Variants in VPS13B observed in about 807,000 individuals in gnomAD.
VPS13B encodes intermembrane lipid transfer protein VPS13B.
Under a neutral mutation model 426.4 loss-of-function variants are expected in VPS13B, and 285 were observed. The observed-to-expected ratio is 0.67, with a 90% CI of 0.61 to 0.74. The LOEUF (loss-of-function observed/expected upper bound fraction) is 0.74, where lower values mean the gene tolerates loss of function less well. Among genes scored for constraint, VPS13B ranks in the 30% least tolerant of loss-of-function variants. VPS13B has a pLI of 0.00. For missense variants in VPS13B, 4,537 were observed against 4,782.6 expected (o/e 0.95, Z 1.51); for synonymous variants, 1,676 against 1,676.4 (o/e 1.00, Z 0.01).
intron 17 of VPS13B, among the ~76,000 whole-genome samples, chr8:99,272,955 G>A (rs936202225): frequency 6.6e-6 from 1 of 151,996 alleles, no homozygotes; most frequent in South Asian, 2.1e-4. Context: ...ATGTTCATTG[G>A]AGCACTTTTG....
intron 19 of VPS13B, among the ~76,000 whole-genome samples, chr8:99,318,901 T>C (rs576742913): frequency 6.6e-6 from 1 of 152,208 alleles, no homozygotes; most frequent in African/African-American, 2.4e-5. Context: ...GAAAGTCTAG[T>C]TATTGTTAAA....
At chr8:99,061,990 A>AGGTGCC (rs1844214543) in intron 3 of VPS13B, among the ~76,000 whole-genome samples, 1 of 152,366 alleles carries the variant, frequency 6.6e-6, no homozygotes, top group South Asian at 2.1e-4. Flanking sequence ...GTGTACACAA[A>AGGTGCC]GGTGCCTATG....
chr8:99,771,969 A>G (rs1346100930), intron 40 of VPS13B, among the ~76,000 whole-genome samples: 1 of 152,188 alleles, frequency 6.6e-6, no homozygotes, highest in African/African-American at 2.4e-5. Flanking sequence ...TGGAAGGAAT[A>G]CTTACATTTT....
intron 35 of VPS13B, among the ~76,000 whole-genome samples, chr8:99,681,707 A>G (rs1831161619): frequency 6.6e-6 from 1 of 152,194 alleles, no homozygotes; most frequent in Admixed American, 6.5e-5. Context: ...ACTGTTTGGG[A>G]ATACATATAG....
At chr8:99,527,380 C>T (rs746617560) in intron 30 of VPS13B, among the ~76,000 whole-genome samples, 2 of 152,096 alleles carry the variant, frequency 1.3e-5, no homozygotes, top group Non-Finnish European at 2.9e-5. Context: ...CTGTGCAATG[C>T]GTAGCCCAGG....
intron 19 of VPS13B, among the ~76,000 whole-genome samples, chr8:99,320,338 C>G (rs1809909934): frequency 6.6e-6 from 1 of 152,154 alleles, no homozygotes; most frequent in Non-Finnish European, 1.5e-5. Context: ...AAGGACCTCC[C>G]TTCTCCTGGG....
chr8:99,701,807 TAC>T (rs1418903516), intron 36 of VPS13B, among the ~76,000 whole-genome samples: 1 of 152,168 alleles, frequency 6.6e-6, no homozygotes, highest in East Asian at 1.9e-4. Flanking sequence ...CTATTTTTAG[TAC>T]AGTTTTTTCT....
At chr8:99,688,111 CTCTT>C (rs1831495092) in intron 35 of VPS13B, among the ~76,000 whole-genome samples, 1 of 147,604 alleles carries the variant, frequency 6.8e-6, no homozygotes, top group Non-Finnish European at 1.5e-5. Context: ...AAGGCAAGAA[CTCTT>C]TCTTGCTTCC....
At chr8:99,070,730 C>T (rs143896763) in intron 3 of VPS13B, among the ~76,000 whole-genome samples, 82 of 151,994 alleles carry the variant, frequency 5.4e-4, no homozygotes, top group African/African-American at 1.8e-3. Flanking sequence ...CAAACTGTTA[C>T]GTCATTGAGT....
intron 21 of VPS13B, chr8:99,429,557 G>A (rs1375138878): frequency 6.6e-6 from 1 of 151,860 alleles, no homozygotes; most frequent in Non-Finnish European, 1.5e-5. Flanking sequence ...TCTCAAATGT[G>A]CTTTTCCTAC....
chr8:99,320,384 A>G (rs950755637), intron 19 of VPS13B, among the ~76,000 whole-genome samples: 1 of 152,166 alleles, frequency 6.6e-6, no homozygotes, highest in African/African-American at 2.4e-5. Context: ...TTTAAAATAC[A>G]ACATCAGTAA....
intron 17 of VPS13B, among the ~76,000 whole-genome samples, chr8:99,238,133 T>C (rs897499784): frequency 6.6e-6 from 1 of 152,134 alleles, no homozygotes; most frequent in Non-Finnish European, 1.5e-5. Context: ...GAGTATACTA[T>C]AGACCAGGAT....
At chr8:99,274,429 T>C in intron 18 of VPS13B, 97 bp downstream of exon 18, 7 of 1,572,104 alleles carry the variant, frequency 4.5e-6, no homozygotes, top group Non-Finnish European at 6.1e-6. Context: ...ATTTACTCAC[T>C]GTTGCTATGA....
chr8:99,704,554 T>C (rs1176003765), intron 36 of VPS13B, among the ~76,000 whole-genome samples: 1 of 152,192 alleles, frequency 6.6e-6, no homozygotes, highest in East Asian at 1.9e-4. Context: ...TTTGTTACTT[T>C]TAGCAAGAAA....
intron 3 of VPS13B, among the ~76,000 whole-genome samples, chr8:99,088,862 A>G (rs1287134640): frequency 6.6e-6 from 1 of 152,084 alleles, no homozygotes; most frequent in Non-Finnish European, 1.5e-5. Flanking sequence ...ATCCATTATC[A>G]TTTCAGTAAG....
chr8:99,145,261 A>G (rs1412004007), intron 13 of VPS13B, among the ~76,000 whole-genome samples: 3 of 152,182 alleles, frequency 2.0e-5, no homozygotes, highest in African/African-American at 7.2e-5. Context: ...TATGGTTGGC[A>G]TATGTTTTCA....
At chr8:99,562,271 C>T (rs527828886) in intron 31 of VPS13B, among the ~76,000 whole-genome samples, 37 of 148,992 alleles carry the variant, frequency 2.5e-4, no homozygotes, top group African/African-American at 7.6e-4. Flanking sequence ...TGTCTTTTGC[C>T]CCCCCCATCC....
At chr8:99,718,823 T>A (rs1448561108) in intron 37 of VPS13B, among the ~76,000 whole-genome samples, 1 of 151,958 alleles carries the variant, frequency 6.6e-6, no homozygotes, top group Non-Finnish European at 1.5e-5. Context: ...TGCACCACTA[T>A]GCTTGACTAT....
At chr8:99,100,225 C>T (rs1474241484) in intron 4 of VPS13B, among the ~76,000 whole-genome samples, 1 of 152,090 alleles carries the variant, frequency 6.6e-6, no homozygotes, top group Non-Finnish European at 1.5e-5. Flanking sequence ...GATTCTTTTA[C>T]TTTGGTGAAG....
Sources: allele counts gnomAD v4.1 joint callset (sites outside exome capture counted in the v4.1 genomes callset), GRCh38; gene constraint gnomAD v4.1.1; transcripts MANE v1.5; gene names NCBI Gene and HGNC (gene_info 2026-07-23, HGNC 2026-07-21).